The following TMEM223 variants were observed in gnomAD, a reference collection of about 807,000 sequenced individuals.
TMEM223 encodes transmembrane protein 223.
In TMEM223, 14 loss-of-function variants were observed where a neutral mutation model predicts 14.1. That is an observed-to-expected ratio of 0.99 (90% confidence interval 0.66 to 1.55). The LOEUF is 1.55. TMEM223 is among the 40% of genes most tolerant of loss of function. TMEM223 has a pLI of 0.00. For synonymous variants in TMEM223, 145 were observed against 120.5 expected (o/e 1.20, Z -1.33); for missense variants, 346 against 269.9 (o/e 1.28, Z -1.97).
At chr11:62,773,435 C>T (rs1324698832) in intron 2 of TMEM223, among the ~76,000 whole-genome samples, 3 of 150,748 alleles carry the variant, frequency 2.0e-5, no homozygotes, top group African/African-American at 4.9e-5. Context: ...TGAGCCACTG[C>T]GCCCGGCCTA....
chr11:62,782,350 A>AT (rs774340937), intron 1 of TMEM223: 78 of 1,610,738 alleles, frequency 4.8e-5, no homozygotes, highest in Admixed American at 1.7e-5. Flanking sequence ...ACTGGGCCTA[A>AT]ACCTGCGGGT....
chr11:62,771,859 C>T, exon 3 of TMEM223: 1 of 305,840 alleles, frequency 3.3e-6, no homozygotes, highest in South Asian at 2.7e-5. Context: ...CGCTGGTGGA[C>T]TAAATGCTCC....
chr11:62,786,879 G>A (rs1197915397), downstream of TMEM223: 2 of 1,573,938 alleles, frequency 1.3e-6, no homozygotes, highest in East Asian at 2.3e-5. Context: ...CGGTGCGGAA[G>A]ATGCCGCAGC....
At chr11:62,787,238 C>A, downstream of TMEM223, 5 of 1,567,272 alleles carry the variant, frequency 3.2e-6, no homozygotes, top group Non-Finnish European at 3.4e-6. Flanking sequence ...ATCGGCCGTA[C>A]CAGCCGCCCC....
chr11:62,782,066 C>A (rs778012734), intron 1 of TMEM223: 45 of 1,589,632 alleles, frequency 2.8e-5, no homozygotes, highest in Middle Eastern at 1.7e-4. Context: ...TGGTGGGCTC[C>A]TGCCTGTCCC....
intron 2 of TMEM223, among the ~76,000 whole-genome samples, chr11:62,773,786 A>T (rs2084166832): frequency 6.6e-6 from 1 of 152,170 alleles, no homozygotes; most frequent in Admixed American, 6.5e-5. Flanking sequence ...GAATGCAAGG[A>T]CATTGGAGGA....
At chr11:62,772,471 C>T (rs1026542567) in intron 2 of TMEM223, among the ~76,000 whole-genome samples, 20 of 149,370 alleles carry the variant, frequency 1.3e-4, no homozygotes, top group Non-Finnish European at 2.4e-4. Context: ...TGTAGTGAGC[C>T]GAGATCACGC....
downstream of TMEM223, chr11:62,787,821 C>T: frequency 4.5e-6 from 3 of 667,188 alleles, no homozygotes; most frequent in East Asian, 5.8e-5. Context: ...TACTGTGGTT[C>T]CGAAACAGAA....
chr11:62,779,976 A>ATATATATATATATATTTTTTTTTTTT (rs1294367864), intron 1 of TMEM223, among the ~76,000 whole-genome samples: 4 of 52,624 alleles, frequency 7.6e-5, no homozygotes, highest in Non-Finnish European at 7.3e-5. Flanking sequence ...ATATATATAT[A>ATATATATATATATATTTTTTTTTTTT]TTTTTTTTTT....
In TMEM223 at chr11:62,779,791, A is replaced by AG. The variant is rs1590934993; in HGVS notation, c.315-5127_315-5126insC. 4.0e-5 allele frequency among the ~76,000 whole-genome samples: 6 copies of AG among 150,228 alleles called. No homozygotes were observed. The East Asian group carries it at 1.2e-3, about 30-fold the overall frequency. ...AGCAATTCTCCCACCTCAGCTTCCC[A>AG]AGTAGCTGGGATTACAGGGGCATAC... On this transcript the variant is annotated intron_variant, in intron 1 of 2. Coordinates refer to the TMEM223 transcript ENST00000528367.
rs528944612 is a variant in TMEM223, at chr11:62,775,231, A to T, written c.315-566T>A. 2.0e-5 allele frequency among the ~76,000 whole-genome samples: 3 copies of T among 152,264 alleles called. No homozygotes were observed. The South Asian group carries it at 6.2e-4, about 32-fold the overall frequency. On this transcript the variant is annotated intron_variant, in intron 1 of 2. Coordinates refer to the TMEM223 transcript ENST00000528367. ...GAGAAGTGCCGAGCAAAAGGGGGAA[A>T]AGCTCTTTATAAAACCATTAGATCT... is the stretch of plus-strand genomic sequence containing the variant.
At chr11:62,788,753 T>C (rs1482329229), downstream of TMEM223, among the ~76,000 whole-genome samples, 3 of 152,086 alleles carry the variant, frequency 2.0e-5, no homozygotes, top group Non-Finnish European at 4.4e-5. Context: ...CTCTAAGGTT[T>C]CTGCACAGAG....
At chr11:62,781,683 G>T (rs1435871529) in intron 1 of TMEM223, 22 of 430,268 alleles carry the variant, frequency 5.1e-5, no homozygotes, top group Non-Finnish European at 7.6e-5. Context: ...AAAAAAGTTG[G>T]ACATTCAGGT....
At chr11:62,785,998 G>A (rs482715), downstream of TMEM223, 32 of 340,430 alleles carry the variant, frequency 9.4e-5, no homozygotes, top group African/African-American at 6.5e-4. Context: ...TGTCAGTAAT[G>A]AGCATTATTT....
downstream of TMEM223, chr11:62,787,805 C>T: frequency 1.5e-6 from 1 of 674,650 alleles, no homozygotes; most frequent in South Asian, 1.5e-5. Context: ...TCCTGCTGCA[C>T]AGCCTTACTG....
chr11:62,786,416 T>C (rs1342910941), downstream of TMEM223: 21 of 1,607,222 alleles, frequency 1.3e-5, no homozygotes, highest in Non-Finnish European at 1.6e-5. Context: ...CCAGCCTCCC[T>C]TCCCTGCATG....
chr11:62,786,739 G>A, downstream of TMEM223: 1 of 1,613,162 alleles, frequency 6.2e-7, no homozygotes, highest in Non-Finnish European at 8.5e-7. Flanking sequence ...GGTGACCCTG[G>A]CCGACATCTA....
rs2084341467 is a variant in TMEM223 at position 62,790,101 on chromosome 11, A to AT, written c.*521dup. 3.4e-6 allele frequency: 5 copies of AT among 1,468,068 alleles called. No homozygotes were observed. The highest frequency in any genetic ancestry group is 2.9e-5 in the African/African-American group (2 of 68,314). The allele number at this position is 1,468,068 out of a possible 1,614,324, so 90.9% of individuals were successfully genotyped here. A position where few individuals can be genotyped will look rare whatever the true frequency, so the allele number is the denominator to read the frequency against. ...AAGACTCCATGCCCAAGTGCCTGTA[A>AT]TCCCCCCCCTCAAGGCCCTGTTTAT... On this transcript the variant is annotated 3_prime_UTR_variant, in exon 2 of 2. Coordinates refer to ENST00000307366, the MANE Select transcript of TMEM223 (RefSeq NM_001080501.3).
chr11:62,782,538 T>G, downstream of TMEM223: 1 of 1,189,906 alleles, frequency 8.4e-7, no homozygotes, highest in Non-Finnish European at 1.2e-6. Flanking sequence ...TCTTCAGCCC[T>G]CAGGTCCTAG....
Sources: allele counts gnomAD v4.1 joint callset (sites outside exome capture counted in the v4.1 genomes callset), GRCh38; gene constraint gnomAD v4.1.1; transcripts MANE v1.5; gene names NCBI Gene and HGNC (gene_info 2026-07-23, HGNC 2026-07-21).